KAZN: variants seen among roughly 807,000 people sequenced by gnomAD.
KAZN encodes the protein kazrin.
Under a neutral mutation model 87.4 loss-of-function variants are expected in KAZN, and 40 were observed. The ratio of observed to expected loss-of-function variants is 0.46; its 90% CI spans 0.36 to 0.60. KAZN has a LOEUF of 0.60. KAZN is among the 20% of genes least tolerant of loss of function. KAZN has a pLI of 0.00. For missense variants in KAZN, 898 were observed against 1,073.9 expected (o/e 0.84, Z 2.29); for synonymous variants, 466 against 458.3 (o/e 1.02, Z -0.22).
At chr1:13,907,443 G>C (rs1220349814) in intron 1 of KAZN, among the ~76,000 whole-genome samples, 1 of 151,510 alleles carries the variant, frequency 6.6e-6, no homozygotes, top group African/African-American at 2.4e-5. Flanking sequence ...CCCAGGCCTG[G>C]CAGAATGAGT....
chr1:15,105,750 G>A (rs880035), intron 13 of KAZN, among the ~76,000 whole-genome samples: 7,113 of 152,202 alleles, frequency 0.047, 194 homozygotes, highest in Middle Eastern at 0.068. Context: ...AATTGTGCAT[G>A]TATGGCAGGG....
chr1:14,223,382 C>A (rs768526979), intron 2 of KAZN, among the ~76,000 whole-genome samples: 15 of 152,190 alleles, frequency 9.9e-5, no homozygotes, highest in South Asian at 2.1e-4. Flanking sequence ...GCCTAAGGAA[C>A]TTATGTGCTG....
chr1:14,241,575 A>G (rs1223635319), intron 2 of KAZN, among the ~76,000 whole-genome samples: 1 of 152,184 alleles, frequency 6.6e-6, no homozygotes, highest in Admixed American at 6.5e-5. Flanking sequence ...TATTTCTGGC[A>G]CACCTACTGT....
At chr1:14,230,650 A>G (rs572734736) in intron 2 of KAZN, among the ~76,000 whole-genome samples, 1 of 152,230 alleles carries the variant, frequency 6.6e-6, no homozygotes, top group African/African-American at 2.4e-5. Context: ...TCTTAGTGCA[A>G]AGTTCTATTT....
chr1:14,822,448 G>A (rs767242158), intron 1 of KAZN, among the ~76,000 whole-genome samples: 1 of 152,182 alleles, frequency 6.6e-6, no homozygotes, highest in African/African-American at 2.4e-5. Context: ...GGTGAAGGAG[G>A]ATTTCTTGGG....
chr1:14,426,202 T>C (rs1665717262), intron 2 of KAZN, among the ~76,000 whole-genome samples: 1 of 152,192 alleles, frequency 6.6e-6, no homozygotes, highest in Non-Finnish European at 1.5e-5. Flanking sequence ...TTCTTGAATG[T>C]TCTTTCCCTA....
chr1:14,912,382 G>A (rs549471027), intron 1 of KAZN, among the ~76,000 whole-genome samples: 1 of 152,254 alleles, frequency 6.6e-6, no homozygotes, highest in South Asian at 2.1e-4. Context: ...CCTGGGTAAG[G>A]TAGCCAGAAG....
intron 2 of KAZN, among the ~76,000 whole-genome samples, chr1:14,464,619 A>G (rs1668020262): frequency 6.6e-6 from 1 of 151,490 alleles, no homozygotes; most frequent in South Asian, 2.1e-4. Flanking sequence ...GCTCACTGCA[A>G]CCTCCACCTC....
At chr1:14,655,482 A>G (rs933328914) in intron 1 of KAZN, among the ~76,000 whole-genome samples, 5 of 152,078 alleles carry the variant, frequency 3.3e-5, no homozygotes, top group Non-Finnish European at 5.9e-5. Flanking sequence ...CATTACAGTG[A>G]ATTAGTGAAA....
chr1:14,619,202 G>T (rs115652515), intron 1 of KAZN, among the ~76,000 whole-genome samples: 79 of 146,246 alleles, frequency 5.4e-4, no homozygotes, highest in African/African-American at 1.5e-3. Context: ...ATCATTCTTG[G>T]TTTTTTTTTT....
intron 1 of KAZN, among the ~76,000 whole-genome samples, chr1:14,625,362 C>T (rs760161826): frequency 7.9e-5 from 12 of 152,092 alleles, no homozygotes; most frequent in Admixed American, 2.0e-4. Context: ...TGCAAAGCCT[C>T]GCTCCCTACT....
chr1:14,505,262 C>T (rs576233745), intron 2 of KAZN, among the ~76,000 whole-genome samples: 4 of 152,260 alleles, frequency 2.6e-5, no homozygotes, highest in South Asian at 4.1e-4. Context: ...ACAAATCAAC[C>T]GTGGCCAGGA....
chr1:14,917,839 C>CTTCT (rs1240084452), intron 1 of KAZN, among the ~76,000 whole-genome samples: 14 of 136,274 alleles, frequency 1.0e-4, no homozygotes, highest in African/African-American at 3.4e-4. Flanking sequence ...TCTAAATGTA[C>CTTCT]TTCTTTCTTT....
intron 1 of KAZN, among the ~76,000 whole-genome samples, chr1:14,655,650 C>G (rs1261040852): frequency 6.6e-6 from 1 of 152,212 alleles, no homozygotes; most frequent in Non-Finnish European, 1.5e-5. Flanking sequence ...TGCTTCTCTG[C>G]TGATGGGGAA....
chr1:14,569,291 CACCTCCTCT>C (rs557570391), intron 2 of KAZN, among the ~76,000 whole-genome samples: 3 of 150,828 alleles, frequency 2.0e-5, no homozygotes, highest in East Asian at 3.9e-4. Flanking sequence ...ACCACAAAAC[CACCTCCTCT>C]ACCTCCTCTA....
intron 2 of KAZN, among the ~76,000 whole-genome samples, chr1:14,334,928 C>A (rs993995561): frequency 2.8e-5 from 4 of 143,346 alleles, no homozygotes; most frequent in African/African-American, 1.2e-4. Context: ...GAGGAAGACA[C>A]AGAAATAGAC....
At chr1:14,400,737 C>T (rs564827243) in intron 2 of KAZN, among the ~76,000 whole-genome samples, 4 of 152,200 alleles carry the variant, frequency 2.6e-5, no homozygotes, top group Non-Finnish European at 4.4e-5. Flanking sequence ...AGGCCCGGCC[C>T]CTGCTGCATT....
At chr1:14,046,939 T>C (rs1642102077) in intron 1 of KAZN, among the ~76,000 whole-genome samples, 1 of 152,208 alleles carries the variant, frequency 6.6e-6, no homozygotes, top group African/African-American at 2.4e-5. Flanking sequence ...TGTAATCTTA[T>C]GGGGTACACC....
intron 2 of KAZN, among the ~76,000 whole-genome samples, chr1:14,276,619 C>T (rs556098189): frequency 6.6e-6 from 1 of 152,140 alleles, no homozygotes; most frequent in Non-Finnish European, 1.5e-5. Flanking sequence ...CCTGCATCTT[C>T]ACACCATCTT....
Sources: gnomAD v4.1 joint callset for allele counts (sites outside exome capture counted in the v4.1 genomes callset) on GRCh38, gnomAD v4.1.1 for gene constraint, MANE v1.5 for transcripts, NCBI Gene and HGNC (gene_info 2026-07-23, HGNC 2026-07-21) for gene names.